Variants in STX18 observed in about 807,000 individuals in gnomAD.
STX18 encodes syntaxin 18.
STX18 carries 40 observed loss-of-function variants against 50.1 expected under a neutral mutation model. That is an observed-to-expected ratio of 0.80 (90% confidence interval 0.62 to 1.04). The LOEUF (loss-of-function observed/expected upper bound fraction) is 1.04. STX18 is among the 50% of genes least tolerant of loss of function. The pLI is 0.00. For synonymous variants in STX18, 158 were observed against 151.8 expected, an observed-to-expected ratio of 1.04 and a Z score of -0.30; for missense variants, 410 against 415.8, an observed-to-expected ratio of 0.99 and a Z score of 0.12.
At chr4:4,513,240 G>C (rs373461571) in intron 1 of STX18, among the ~76,000 whole-genome samples, 14 of 152,240 alleles carry the variant, frequency 9.2e-5, no homozygotes, top group African/African-American at 2.6e-4. Flanking sequence ...TCTGATAGAG[G>C]GGGGGACCCT....
chr4:4,525,135 A>C (rs2108911983), intron 1 of STX18, among the ~76,000 whole-genome samples: 1 of 152,328 alleles, frequency 6.6e-6, no homozygotes, highest in East Asian at 1.9e-4. Flanking sequence ...AAGAAATTTT[A>C]AAAGTAACCA....
intron 5 of STX18, among the ~76,000 whole-genome samples, chr4:4,439,094 AT>A (rs1246711696): frequency 6.8e-6 from 1 of 147,450 alleles, no homozygotes; most frequent in African/African-American, 2.5e-5. Context: ...CACCACACAT[AT>A]ACCCCCACAC....
chr4:4,421,608 G>T (rs570035796), intron 9 of STX18, among the ~76,000 whole-genome samples: 1 of 152,182 alleles, frequency 6.6e-6, no homozygotes, highest in Non-Finnish European at 1.5e-5. Context: ...TCCCTCCTGC[G>T]CCACTCGCCG....
chr4:4,520,686 A>C (rs1454797723), intron 1 of STX18, among the ~76,000 whole-genome samples: 1 of 152,170 alleles, frequency 6.6e-6, no homozygotes, highest in Non-Finnish European at 1.5e-5. Context: ...TGCCTTCCAT[A>C]TACTTAAGGC....
At chr4:4,518,769 C>A (rs941297606) in intron 1 of STX18, among the ~76,000 whole-genome samples, 3 of 151,958 alleles carry the variant, frequency 2.0e-5, no homozygotes, top group Admixed American at 2.0e-4. Flanking sequence ...TCAACAACAC[C>A]CAGTTCTAGC....
intron 7 of STX18, among the ~76,000 whole-genome samples, chr4:4,427,155 C>T (rs957120954): frequency 1.3e-5 from 2 of 152,290 alleles, no homozygotes; most frequent in African/African-American, 4.8e-5. Context: ...TCACACATGA[C>T]AGAACACCAG....
chr4:4,530,205 G>A (rs1403720117), intron 1 of STX18, among the ~76,000 whole-genome samples: 1 of 152,004 alleles, frequency 6.6e-6, no homozygotes. Flanking sequence ...GATGATAGAA[G>A]CAGAAAAATA....
chr4:4,420,914 C>T lies in STX18; in HGVS notation c.862G>A (p.Val288Ile), dbSNP rs1343201544. ...EAEIDSIHQL[V>I]VGATENIKEG... is the part of the protein sequence containing the mutation. Reference sequence around the variant, plus strand: ...TTGATATTTTCAGTTGCCCCCACAACTAACTGGTGAATGCTGTCAATCTCA... The same window carrying T: ...TTGATATTTTCAGTTGCCCCCACAATTAACTGGTGAATGCTGTCAATCTCA... The change falls in exon 10 of 11, where the codon GTT (valine) becomes ATT (isoleucine). Residue 288 changes from valine to isoleucine, a missense_variant. Coordinates refer to ENST00000306200, the MANE Select transcript of STX18 (RefSeq NM_016930.4). This position sits in a 1 kb window ranked among gnomAD's most constrained non-coding sequence, Gnocchi z 4.3. 1 of 1,614,052 alleles carries T rather than the reference C, an allele frequency of 6.2e-7. No individual in the cohort carries two copies. Among genetic ancestry groups the T allele is most frequent in the Non-Finnish European group, 8.5e-7 (1 of 1,180,042 alleles).
At chr4:4,541,373 AC>A (rs1482633979) in intron 1 of STX18, among the ~76,000 whole-genome samples, 1 of 152,196 alleles carries the variant, frequency 6.6e-6, no homozygotes, top group Non-Finnish European at 1.5e-5. Context: ...TTTAATCTCA[AC>A]TAGGGGTGGG....
chr4:4,475,494 A>G (rs1728133298), intron 1 of STX18, among the ~76,000 whole-genome samples: 1 of 151,450 alleles, frequency 6.6e-6, no homozygotes, highest in South Asian at 2.1e-4. Flanking sequence ...ATGACAAATC[A>G]ACAACAAAGA....
intron 5 of STX18, among the ~76,000 whole-genome samples, chr4:4,439,481 TAC>T (rs377551677): frequency 4.1e-5 from 5 of 121,036 alleles, no homozygotes; most frequent in East Asian, 2.6e-4. Flanking sequence ...CATATATACA[TAC>T]ACACACACAC....
intron 1 of STX18, among the ~76,000 whole-genome samples, chr4:4,518,516 C>A (rs886761520): frequency 3.3e-5 from 5 of 152,092 alleles, no homozygotes; most frequent in African/African-American, 1.2e-4. Flanking sequence ...CTAAGTAAAT[C>A]TATTTGTGAA....
intron 5 of STX18, among the ~76,000 whole-genome samples, chr4:4,451,751 T>C (rs1181807152): frequency 1.3e-5 from 2 of 152,132 alleles, no homozygotes; most frequent in East Asian, 3.9e-4. Flanking sequence ...GTTCCCATTT[T>C]CTCCTCTCTC....
chr4:4,430,297 T>G (rs189834581), intron 7 of STX18, among the ~76,000 whole-genome samples: 47 of 152,374 alleles, frequency 3.1e-4, no homozygotes, highest in Middle Eastern at 6.8e-3. Flanking sequence ...TGCTACAATA[T>G]TTTCCAATTT....
chr4:4,498,233 AT>A (rs957436632), intron 1 of STX18, among the ~76,000 whole-genome samples: 167 of 150,226 alleles, frequency 1.1e-3, no homozygotes, highest in African/African-American at 3.6e-3. Context: ...TTCTTTTTAG[AT>A]TTTTTTTTTC....
At chr4:4,421,210 C>T (rs550170830) in intron 9 of STX18, among the ~76,000 whole-genome samples, 1 of 152,250 alleles carries the variant, frequency 6.6e-6, no homozygotes, top group Non-Finnish European at 1.5e-5. Context: ...ATCCTCACAG[C>T]ACCCCAAGAA....
chr4:4,496,320 AAC>A (rs1729164938), intron 1 of STX18, among the ~76,000 whole-genome samples: 1 of 152,152 alleles, frequency 6.6e-6, no homozygotes, highest in Non-Finnish European at 1.5e-5. Flanking sequence ...CCCATCTCCA[AAC>A]ACAGTCCAGT....
intron 1 of STX18, among the ~76,000 whole-genome samples, chr4:4,491,054 T>C (rs1202606960): frequency 6.6e-6 from 1 of 152,104 alleles, no homozygotes; most frequent in Non-Finnish European, 1.5e-5. Context: ...TTTACTTTTG[T>C]TGTTCAAACA....
At chr4:4,434,418 A>G (rs946299874) in intron 7 of STX18, among the ~76,000 whole-genome samples, 1 of 152,214 alleles carries the variant, frequency 6.6e-6, no homozygotes, top group Non-Finnish European at 1.5e-5. Flanking sequence ...CTTTTTTCAC[A>G]TTACCATAGC....
Sources: gnomAD v4.1 joint callset for allele counts (sites outside exome capture counted in the v4.1 genomes callset) on GRCh38, gnomAD v4.1.1 for gene constraint, Gnocchi (gnomAD v3.1) non-coding constraint, MANE v1.5 for transcripts, NCBI Gene and HGNC (gene_info 2026-07-23, HGNC 2026-07-21) for gene names.